The following AK5 variants were observed in gnomAD, a reference collection of about 807,000 sequenced individuals.
AK5 encodes adenylate kinase isoenzyme 5.
In AK5, 27 loss-of-function variants were observed where a neutral mutation model predicts 69.5. That is an observed-to-expected ratio of 0.39 (90% CI 0.29 to 0.54). The LOEUF is 0.54. AK5 is among the 20% of genes least tolerant of loss of function. AK5 has a pLI of 0.71. For missense variants in AK5, 531 were observed against 700.4 expected (o/e 0.76, Z 2.73); for synonymous variants, 260 against 244.4 (o/e 1.06, Z -0.60).
intron 8 of AK5, among the ~76,000 whole-genome samples, chr1:77,419,405 G>A (rs764387227): frequency 2.3e-4 from 34 of 150,500 alleles, no homozygotes; most frequent in African/African-American, 7.5e-4. Flanking sequence ...CCAAGAACTA[G>A]AAAGAACAGA....
chr1:77,283,057 A>G lies in AK5; in HGVS notation c.60+684A>G. 3.0e-6 allele frequency: 3 copies of G among 985,340 alleles called. No homozygotes were observed. In the South Asian group the frequency reaches 1.4e-4, roughly 46 times the overall value. 61.0% of individuals were successfully genotyped at this position (985,340 alleles called of 1,614,324 possible). ...CCTGGAGATAGCGGGTCGGGGAGGG[A>G]GCTGCGAGGGGGGCGGACTCCTGTT... On this transcript the variant is annotated intron_variant, in intron 1 of 13. Coordinates refer to ENST00000354567, the MANE Select transcript of AK5 (RefSeq NM_174858.3).
Position 77,521,809 on chromosome 1 carries a change from A to G in AK5, c.1312-18A>G. On this transcript the variant is annotated intron_variant, in intron 11 of 13. Coordinates refer to ENST00000354567, the MANE Select transcript of AK5 (RefSeq NM_174858.3). ...CTGTGAAAGAGCTCAGGTCCTGACC[A>G]CTCTCGCTTTGCTCCAGGGCATCGT... 6.3e-7 allele frequency: 1 copy of G among 1,597,026 alleles called. No individual in the cohort carries two copies. Among genetic ancestry groups the G allele is most frequent in the Non-Finnish European group, 8.6e-7 (1 of 1,165,130 alleles).
intron 6 of AK5, among the ~76,000 whole-genome samples, chr1:77,410,755 T>C (rs1230422957): frequency 6.6e-6 from 1 of 152,222 alleles, no homozygotes; most frequent in Non-Finnish European, 1.5e-5. Flanking sequence ...TTACACTTTT[T>C]TTTAACCATA....
intron 10 of AK5, among the ~76,000 whole-genome samples, chr1:77,516,078 A>G (rs1657625489): frequency 6.6e-6 from 1 of 152,194 alleles, no homozygotes; most frequent in South Asian, 2.1e-4. Flanking sequence ...CAAAGAAAAA[A>G]AAGAAAGAAA....
intron 6 of AK5, among the ~76,000 whole-genome samples, chr1:77,388,386 A>T (rs181509428): frequency 6.6e-6 from 1 of 152,240 alleles, no homozygotes; most frequent in South Asian, 2.1e-4. Flanking sequence ...TATGCATTCA[A>T]TGTTAAATGC....
chr1:77,526,792 A>G lies in AK5; in HGVS notation c.1428+4849A>G, dbSNP rs542654171. 1.3e-4 allele frequency among the ~76,000 whole-genome samples: 20 copies of G among 148,448 alleles called. No homozygotes were observed. The East Asian group carries it at 3.9e-3, about 29-fold the overall frequency. On this transcript the variant is annotated intron_variant, in intron 12 of 13. Transcript: ENST00000354567. ...CCTGGCCAAGTCTTTTTTTTTTTTT[A>G]ATTGCTCTGAGAGGTGGTAGAACAT...
chr1:77,513,403 T>C (rs983763610), intron 10 of AK5, among the ~76,000 whole-genome samples: 3 of 152,158 alleles, frequency 2.0e-5, no homozygotes, highest in Non-Finnish European at 4.4e-5. Flanking sequence ...CAGTTCTGGG[T>C]CTTTTTATTT....
At chr1:77,404,833 T>C (rs1441631210) in intron 6 of AK5, among the ~76,000 whole-genome samples, 1 of 152,200 alleles carries the variant, frequency 6.6e-6, no homozygotes, top group Non-Finnish European at 1.5e-5. Context: ...CACATGTGAA[T>C]AGCTAGTACA....
chr1:77,469,451 G>A (rs1654331742), intron 8 of AK5, among the ~76,000 whole-genome samples: 2 of 152,224 alleles, frequency 1.3e-5, no homozygotes, highest in Admixed American at 1.3e-4. Flanking sequence ...ATGGCCCGCA[G>A]TGAGAGCTCT....
chr1:77,367,922 TATATATTATATATAATATATATG>T (rs1557534748), intron 6 of AK5, among the ~76,000 whole-genome samples: 6 of 47,356 alleles, frequency 1.3e-4, no homozygotes, highest in African/African-American at 2.5e-4. Context: ...ATATATGTGA[TATATATTATATATAATATATATG>T]TTATATATAT....
At chr1:77,486,495 A>T (rs1557628270) in intron 10 of AK5, 143 bp downstream of exon 10, 6 of 517,606 alleles carry the variant, frequency 1.2e-5, no homozygotes, top group Non-Finnish European at 6.8e-6. Flanking sequence ...GGAGATCGAG[A>T]CCATCCTGGC....
At chr1:77,395,252 G>C (rs1648754205) in intron 6 of AK5, among the ~76,000 whole-genome samples, 1 of 152,110 alleles carries the variant, frequency 6.6e-6, no homozygotes, top group South Asian at 2.1e-4. Flanking sequence ...CTTTGTTTTT[G>C]TGTGATCAAG....
intron 6 of AK5, among the ~76,000 whole-genome samples, chr1:77,385,026 T>C (rs1557549204): frequency 6.6e-6 from 1 of 151,766 alleles, no homozygotes; most frequent in Non-Finnish European, 1.5e-5. Flanking sequence ...CAAAATTTGT[T>C]GATTAATATA....
At chr1:77,310,965 A>AGC (rs1659919017) in intron 5 of AK5, among the ~76,000 whole-genome samples, 1 of 152,030 alleles carries the variant, frequency 6.6e-6, no homozygotes, top group Non-Finnish European at 1.5e-5. Context: ...ATAATCGTTT[A>AGC]TAGGTTTGCT....
At chr1:77,418,054 A>G (rs1232571857) in intron 8 of AK5, among the ~76,000 whole-genome samples, 1 of 152,190 alleles carries the variant, frequency 6.6e-6, no homozygotes, top group Non-Finnish European at 1.5e-5. Flanking sequence ...AGCATCAGCT[A>G]CAGGTTCAGG....
chr1:77,515,723 C>T (rs529130370), intron 10 of AK5, among the ~76,000 whole-genome samples: 1 of 152,082 alleles, frequency 6.6e-6, no homozygotes, highest in African/African-American at 2.4e-5. Flanking sequence ...TGATCTGGAC[C>T]TAAGGGCTGA....
rs1659544888 is a variant in AK5, at chr1:77,546,377, A to G, written c.1620+10339A>G. On this transcript the variant is annotated intron_variant, in intron 13 of 13. Transcript: ENST00000354567. ...GTAAGGTCTTTGACATGCTCAGCAG[A>G]CATTTACTGGGCATCTCTAAGGTCC... 2.0e-5 allele frequency among the ~76,000 whole-genome samples: 3 copies of G among 152,184 alleles called. No homozygotes were observed. In the South Asian group the frequency reaches 6.2e-4, roughly 32 times the overall value.
Position 77,368,245 on chromosome 1 carries a change from A to ATATATAT in AK5, c.891+27678_891+27684dup, listed in dbSNP as rs1553140334. 1.8e-3 allele frequency among the ~76,000 whole-genome samples: 120 copies of ATATATAT among 67,904 alleles called. 16 individuals carry two copies. Among genetic ancestry groups the ATATATAT allele is most frequent in the Middle Eastern group, 6.4e-3 (1 of 156 alleles). The allele number at this position is 67,904 out of a possible 152,430, so 44.5% of individuals were successfully genotyped here. A position where few individuals can be genotyped will look rare whatever the true frequency, so the allele number is the denominator to read the frequency against. On this transcript the variant is annotated intron_variant, in intron 6 of 13. Coordinates refer to ENST00000354567, the MANE Select transcript of AK5 (RefSeq NM_174858.3). ...TATATATATATATATATATATATAT[A>ATATATAT]TATATATAATATATATGTTATATAT...
At chr1:77,482,344 A>T (rs999784129) in intron 8 of AK5, among the ~76,000 whole-genome samples, 1 of 152,230 alleles carries the variant, frequency 6.6e-6, no homozygotes, top group Non-Finnish European at 1.5e-5. Flanking sequence ...GGGCTACTCC[A>T]TAAGGAATAG....
Sources: gnomAD v4.1 joint callset for allele counts (sites outside exome capture counted in the v4.1 genomes callset) on GRCh38, gnomAD v4.1.1 for gene constraint, MANE v1.5 for transcripts, NCBI Gene and HGNC (gene_info 2026-07-23, HGNC 2026-07-21) for gene names.